PLCE1: variants seen among roughly 807,000 people sequenced by gnomAD.
The protein encoded by PLCE1 is 1-phosphatidylinositol 4,5-bisphosphate phosphodiesterase epsilon-1.
Under a neutral mutation model 242.8 loss-of-function variants are expected in PLCE1, and 119 were observed. The ratio of observed to expected loss-of-function variants is 0.49; its 90% CI spans 0.42 to 0.57. PLCE1 has a LOEUF of 0.57. Ranked by LOEUF, PLCE1 falls within the 20% of genes least tolerant of loss-of-function variation. The pLI is 0.00. For missense variants in PLCE1, 2,441 were observed against 2,788.8 expected (o/e 0.88, Z 2.81); for synonymous variants, 945 against 1,017.4 (o/e 0.93, Z 1.35).
chr10:94,211,056 C>G (rs575319955), intron 4 of PLCE1, among the ~76,000 whole-genome samples: 3 of 152,214 alleles, frequency 2.0e-5, no homozygotes, highest in African/African-American at 4.8e-5. Context: ...TCTTGGACTC[C>G]GTTCAGCCTG....
At chr10:94,163,872 C>T (rs749344087) in intron 3 of PLCE1, among the ~76,000 whole-genome samples, 3 of 152,194 alleles carry the variant, frequency 2.0e-5, no homozygotes, top group Non-Finnish European at 4.4e-5. Flanking sequence ...AATCTCTTAG[C>T]ATTTGCTTAT....
chr10:94,301,466 G>C (rs1466839043), intron 24 of PLCE1, among the ~76,000 whole-genome samples: 1 of 152,152 alleles, frequency 6.6e-6, no homozygotes. Flanking sequence ...GAAAGTGCTT[G>C]ATTTTCCATG....
chr10:94,218,709 AC>A (rs985765033), intron 4 of PLCE1, among the ~76,000 whole-genome samples: 6 of 152,066 alleles, frequency 3.9e-5, no homozygotes, highest in Admixed American at 3.3e-4. Context: ...GCATGCAGTA[AC>A]TGTTTGTGGA....
chr10:94,124,284 G>A (rs1200482900), intron 2 of PLCE1, among the ~76,000 whole-genome samples: 1 of 151,652 alleles, frequency 6.6e-6, no homozygotes, highest in African/African-American at 2.4e-5. Flanking sequence ...AGGCTGAGGT[G>A]GGAAGATCAC....
chr10:94,074,026 C>T (rs1238763288), intron 2 of PLCE1, among the ~76,000 whole-genome samples: 1 of 152,078 alleles, frequency 6.6e-6, no homozygotes, highest in African/African-American at 2.4e-5. Flanking sequence ...CTGAGGAAGG[C>T]ACTCAGTTAA....
At chr10:94,102,756 C>T (rs1443366601) in intron 2 of PLCE1, among the ~76,000 whole-genome samples, 1 of 152,150 alleles carries the variant, frequency 6.6e-6, no homozygotes, top group African/African-American at 2.4e-5. Flanking sequence ...CCTGGTGCCA[C>T]GACGGGTCTT....
intron 1 of PLCE1, among the ~76,000 whole-genome samples, chr10:94,012,017 T>C (rs968021012): frequency 2.0e-5 from 3 of 152,212 alleles, no homozygotes; most frequent in Non-Finnish European, 4.4e-5. Context: ...TTGGGCTAAC[T>C]GCAGCACCTC....
intron 3 of PLCE1, among the ~76,000 whole-genome samples, chr10:94,158,992 T>C (rs1212319422): frequency 6.7e-6 from 1 of 148,292 alleles, no homozygotes; most frequent in African/African-American, 2.4e-5. Flanking sequence ...ACAAATTTTC[T>C]TCTTTATACT....
chr10:94,266,831 T>G (rs1045548457), intron 16 of PLCE1, among the ~76,000 whole-genome samples: 4 of 152,234 alleles, frequency 2.6e-5, no homozygotes, highest in African/African-American at 7.2e-5. Context: ...TCCCAAAGCT[T>G]GCTTAGCGGG....
At chr10:94,282,460 G>A (rs1463443265) in intron 20 of PLCE1, among the ~76,000 whole-genome samples, 1 of 152,090 alleles carries the variant, frequency 6.6e-6, no homozygotes, top group Non-Finnish European at 1.5e-5. Flanking sequence ...CTATGACAAT[G>A]ACAGCACAAT....
intron 29 of PLCE1, among the ~76,000 whole-genome samples, chr10:94,320,100 T>G (rs1465380612): frequency 6.6e-6 from 1 of 152,112 alleles, no homozygotes; most frequent in Non-Finnish European, 1.5e-5. Flanking sequence ...GGACAAAGAT[T>G]ATAAATTATG....
intron 9 of PLCE1, among the ~76,000 whole-genome samples, chr10:94,252,836 G>A (rs894578482): frequency 9.9e-5 from 15 of 152,262 alleles, no homozygotes; most frequent in East Asian, 3.9e-4. Flanking sequence ...CAACTGACAC[G>A]CAGGTCTTGA....
intron 1 of PLCE1, among the ~76,000 whole-genome samples, chr10:94,016,661 ATG>A (rs1475154851): frequency 1.3e-5 from 2 of 152,224 alleles, no homozygotes; most frequent in Non-Finnish European, 2.9e-5. Flanking sequence ...TAAAAGATCT[ATG>A]TTCATGGGGA....
chr10:94,057,344 C>G (rs986992497), intron 2 of PLCE1, among the ~76,000 whole-genome samples: 1 of 151,954 alleles, frequency 6.6e-6, no homozygotes, highest in Admixed American at 6.6e-5. Flanking sequence ...ATTTATTTTC[C>G]TTAAAACGCT....
At chr10:94,316,879 A>T in intron 29 of PLCE1, 123 bp downstream of exon 29, 1 of 734,186 alleles carries the variant, frequency 1.4e-6, no homozygotes. Flanking sequence ...ATTCTTCTTA[A>T]GTAAATGTGG....
At position 94,274,171 on chromosome 10, in the gene PLCE1, AGATCTGGGCCCAAGCAC is replaced by A. The variant is rs11275428; in HGVS notation, c.4665+454_4665+470del. ...GCTTGGGCCCAGATCCGGACAACAG[AGATCTGGGCCCAAGCAC>A]GACAAACCCACCTGTGTAGGAGACC... On this transcript the variant is annotated intron_variant, in intron 19 of 32. Coordinates refer to ENST00000371380, the MANE Select transcript of PLCE1 (RefSeq NM_016341.4). 1.9e-3 allele frequency among the ~76,000 whole-genome samples: 282 copies of A among 151,964 alleles called. 2 individuals carry two copies. The highest frequency in any genetic ancestry group is 6.5e-3 in the African/African-American group (270 of 41,488).
At chr10:94,085,606 G>A (rs2044790832) in intron 2 of PLCE1, among the ~76,000 whole-genome samples, 2 of 152,242 alleles carry the variant, frequency 1.3e-5, no homozygotes, top group Non-Finnish European at 2.9e-5. Flanking sequence ...TGATGAGTTT[G>A]TAGAAACATT....
chr10:94,323,369 T>G (rs749727689), intron 30 of PLCE1, among the ~76,000 whole-genome samples: 51 of 152,244 alleles, frequency 3.3e-4, no homozygotes, highest in Non-Finnish European at 6.9e-4. Context: ...GCTCTACTTC[T>G]GAGACCTGGA....
chr10:94,059,649 G>T (rs986135933), intron 2 of PLCE1, among the ~76,000 whole-genome samples: 1 of 152,192 alleles, frequency 6.6e-6, no homozygotes, highest in African/African-American at 2.4e-5. Context: ...AATCACAGTT[G>T]CTTTGCATAT....
Sources: gnomAD v4.1 joint callset for allele counts (sites outside exome capture counted in the v4.1 genomes callset) on GRCh38, gnomAD v4.1.1 for gene constraint, MANE v1.5 for transcripts, NCBI Gene and HGNC (gene_info 2026-07-23, HGNC 2026-07-21) for gene names.